RO60: variants seen among roughly 807,000 people sequenced by gnomAD.
RO60 encodes the protein Ro60, Y RNA binding protein.
In RO60, 20 loss-of-function variants were observed where a neutral mutation model predicts 55.3. The ratio of observed to expected loss-of-function variants is 0.36; its 90% CI spans 0.25 to 0.53. The LOEUF is 0.53. RO60 is among the 20% of genes least tolerant of loss of function. The probability of loss-of-function intolerance (pLI) is 0.92; values close to 1 mark genes in which losing one functional copy is unlikely to be tolerated. For missense variants in RO60, 558 were observed against 646.6 expected (o/e 0.86, Z 1.49); for synonymous variants, 213 against 213.6 (o/e 1.00, Z 0.02).
chr1:193,075,300 T>C lies in RO60; in HGVS notation c.581-520T>C, dbSNP rs182912998. ...CAAGTTACTGTTTCCTTTTTTTTTT[T>C]TTTTTGAGCAGTAATACTTCTCAGC... On this transcript the variant is annotated intron_variant, in intron 2 of 8. Transcript: ENST00000400968. 4.2e-3 allele frequency among the ~76,000 whole-genome samples: 628 copies of C among 151,178 alleles called. 2 individuals are homozygous for C. The highest frequency in any genetic ancestry group is 7.5e-3 in the Non-Finnish European group (511 of 67,722).
At chr1:193,073,970 G>A (rs1233808315) in intron 2 of RO60, among the ~76,000 whole-genome samples, 1 of 145,972 alleles carries the variant, frequency 6.9e-6, no homozygotes, top group African/African-American at 2.6e-5. Flanking sequence ...TCCCACCTAT[G>A]AGTGAGAACA....
chr1:193,068,613 G>T (rs867072914), intron 1 of RO60, among the ~76,000 whole-genome samples: 2 of 152,102 alleles, frequency 1.3e-5, no homozygotes, highest in Non-Finnish European at 2.9e-5. Flanking sequence ...GCCTCAAGAT[G>T]CCATACTGAT....
At position 193,084,582 on chromosome 1, in the gene RO60, A is replaced by G; in HGVS notation, c.1468A>G (p.Met490Val). 5.0e-6 allele frequency: 8 copies of G among 1,608,946 alleles called. No individual in the cohort carries two copies. The highest frequency in any genetic ancestry group is 6.8e-6 in the Non-Finnish European group (8 of 1,178,560). The change falls in exon 9 of 9, where the codon ATG becomes GTG. Residue 490 changes from methionine (M) to valine (V), a missense_variant. By Grantham distance (21) the Met-to-Val change is conservative (BLOSUM62 1). Transcript: ENST00000400968. ...GTATTTTGGTCTTTTTCTACAGAAA[A>G]TGGATATTCCAGCTAAATTGATTGT... is the stretch of plus-strand genomic sequence containing the variant. ...AIALREYRKK[M>V]DIPAKLIVCG... is the part of the protein sequence containing the mutation.
In RO60 at chr1:193,090,895, G is replaced by A. The variant is rs1674831567; in HGVS notation, c.*6164G>A. ...TTTAGAGCTTTTAATTTTACATAGT[G>A]AATGGAAATTTAAGTATTACATTTT... On this transcript the variant is annotated 3_prime_UTR_variant, in exon 9 of 9. Coordinates refer to ENST00000400968, the MANE Select transcript of RO60 (RefSeq NM_001173524.2). 6.6e-6 allele frequency: 1 copy of A among 151,970 alleles called. No individual in the cohort carries two copies. The highest frequency in any genetic ancestry group is 2.1e-4 in the South Asian group (1 of 4,832). 9.4% of individuals were successfully genotyped at this position (151,970 alleles called of 1,614,324 possible). A position where few individuals can be genotyped will look rare whatever the true frequency, so the allele number is the denominator to read the frequency against.
chr1:193,059,777 G>A lies in RO60; in HGVS notation c.-22+1G>A. ...CCAGGGGGTCGGCTGCCAGGTACAG[G>A]TGAGGACATTGCGGGAGGCCGGCTG... On this transcript the variant is annotated splice_donor_variant, in intron 1 of 8. Coordinates refer to ENST00000400968, the MANE Select transcript of RO60 (RefSeq NM_001173524.2). LOFTEE classifies it low-confidence loss of function (5UTR_SPLICE). The surrounding 1 kb of genome is among the most constrained non-coding windows in gnomAD (Gnocchi z 4.9). The A allele has an allele frequency of 3.7e-6, 5 of 1,357,002 alleles. No individual in the cohort carries two copies. In the South Asian group the frequency reaches 5.8e-5, roughly 16 times the overall value. 84.1% of individuals were successfully genotyped at this position (1,357,002 alleles called of 1,614,324 possible).
chr1:193,069,204 A>G lies in RO60; in HGVS notation c.150A>G (p.Glu50=), dbSNP rs766528328. 1.9e-6 allele frequency: 3 copies of G among 1,614,214 alleles called. No homozygotes were observed. The Admixed American group carries it at 5.0e-5, about 27-fold the overall frequency. Residue 50 remains glutamate (E), a synonymous_variant, in exon 2 of 9, where the codon GAA becomes GAG. Coordinates refer to ENST00000400968, the MANE Select transcript of RO60 (RefSeq NM_001173524.2). ...AAGGTGGGACTTATTATATCAAAGA[A>G]CAGAAGTTGGGCCTTGAAAATGCTG... The part of the protein sequence containing the change: ...GSEGGTYYIK[E]QKLGLENAEA...
intron 2 of RO60, chr1:193,070,767 A>G (rs189967449): frequency 2.1e-3 from 372 of 173,784 alleles, no homozygotes; most frequent in Middle Eastern, 5.9e-3. Flanking sequence ...ACATATTTTT[A>G]TATACAGAAT....
chr1:193,064,636 T>G (rs1317889441), intron 1 of RO60, among the ~76,000 whole-genome samples: 2 of 152,230 alleles, frequency 1.3e-5, no homozygotes, highest in Non-Finnish European at 2.9e-5. Context: ...GCTAATAATG[T>G]TATCTGTTCC....
chr1:193,091,489 A>T (rs2103093948), downstream of RO60: 1 of 620,486 alleles, frequency 1.6e-6, no homozygotes, highest in Non-Finnish European at 2.8e-6. Context: ...AAACTAACTG[A>T]TGCTTTGTCA....
intron 4 of RO60, 65 bp from the exon 5 acceptor site, chr1:193,076,847 CA>C: frequency 2.7e-6 from 4 of 1,505,130 alleles, no homozygotes; most frequent in Non-Finnish European, 3.6e-6. Context: ...TACAATAACA[CA>C]AAAATCTAAG....
intron 1 of RO60, among the ~76,000 whole-genome samples, chr1:193,061,688 T>C (rs1038694233): frequency 3.9e-5 from 6 of 152,232 alleles, no homozygotes; most frequent in African/African-American, 1.2e-4. Context: ...ACCAATTTAA[T>C]ATGCGGCCAT....
rs755978946 is a variant in RO60, at chr1:193,069,412, C to T, written c.358C>T (p.Arg120Cys). 2.5e-6 allele frequency: 4 copies of T among 1,614,086 alleles called. No homozygotes were observed. The highest frequency in any genetic ancestry group is 1.1e-5 in the South Asian group (1 of 91,070). Residue 120 changes from arginine to cysteine, a missense_variant, in exon 2 of 9, where the codon CGC becomes TGC. Transcript: ENST00000400968. ...AAFKAVSEVC[R>C]IPTHLFTFIQ... ...ATTTAAAGCTGTTTCTGAAGTTTGT[C>T]GCATTCCTACCCATCTCTTTACTTT...
chr1:193,076,652 G>C lies in RO60; in HGVS notation c.948+5G>C, dbSNP rs752751173. On this transcript the variant is annotated splice_donor_5th_base_variant and intron_variant, in intron 4 of 8. Coordinates refer to ENST00000400968, the MANE Select transcript of RO60 (RefSeq NM_001173524.2). ...AATGAAAAACTATTAAAAAAGGTAA[G>C]CATTATCATTGTTCTTTATTAGCTA... 3.8e-6 allele frequency: 6 copies of C among 1,590,752 alleles called. No homozygotes were observed. In the Admixed American group the frequency reaches 1.1e-4, roughly 29 times the overall value.
chr1:193,084,180 C>G (rs924304815), intron 8 of RO60, among the ~76,000 whole-genome samples: 3 of 152,154 alleles, frequency 2.0e-5, no homozygotes, highest in African/African-American at 7.2e-5. Flanking sequence ...TCAAAGTCAT[C>G]AGCCAAAAGT....
chr1:193,060,637 T>G (rs376069754), intron 1 of RO60, among the ~76,000 whole-genome samples: 6 of 152,106 alleles, frequency 3.9e-5, no homozygotes, highest in African/African-American at 1.4e-4. Flanking sequence ...CGTGGTAAAT[T>G]TTATTGAGGG....
At chr1:193,067,442 C>T (rs992832082) in intron 1 of RO60, among the ~76,000 whole-genome samples, 7 of 152,016 alleles carry the variant, frequency 4.6e-5, no homozygotes, top group African/African-American at 1.5e-4. Flanking sequence ...GTCTCGGCCT[C>T]CCAAAGTGCT....
At chr1:193,072,688 G>C (rs1673603170) in intron 2 of RO60, among the ~76,000 whole-genome samples, 1 of 152,086 alleles carries the variant, frequency 6.6e-6, no homozygotes, top group Non-Finnish European at 1.5e-5. Context: ...TTATTTATTG[G>C]TTTGTTGAGA....
chr1:193,069,085 C>T lies in RO60; in HGVS notation c.31C>T (p.Leu11=), dbSNP rs752016461. The T allele has an allele frequency of 3.1e-6, 5 of 1,612,524 alleles. No individual in the cohort carries two copies. In the South Asian group the frequency reaches 5.5e-5, roughly 18 times the overall value. The change falls in exon 2 of 9, where the codon CTG becomes TTG. Residue 11 remains leucine (L), a synonymous_variant. Transcript: ENST00000400968. MEESVNQMQP[L]NEKQIANSQD... The stretch of plus-strand genomic sequence containing the variant: ...GGAATCTGTAAACCAAATGCAGCCA[C>T]TGAATGAGAAGCAGATAGCCAATTC...
intron 1 of RO60, among the ~76,000 whole-genome samples, chr1:193,066,047 T>C (rs559752387): frequency 6.6e-6 from 1 of 152,272 alleles, no homozygotes; most frequent in Non-Finnish European, 1.5e-5. Flanking sequence ...CTACATCTCC[T>C]GTCAGGGGGG....
Sources: gnomAD v4.1 joint callset for allele counts (sites outside exome capture counted in the v4.1 genomes callset) on GRCh38, gnomAD v4.1.1 for gene constraint, Gnocchi (gnomAD v3.1) non-coding constraint, MANE v1.5 for transcripts, NCBI Gene and HGNC (gene_info 2026-07-23, HGNC 2026-07-21) for gene names.